TAF4: variants seen among roughly 807,000 people sequenced by gnomAD.
The protein encoded by TAF4 is TATA-box binding protein associated factor 4, also known as transcription initiation factor TFIID subunit 4.
In TAF4, 9 loss-of-function variants were observed where a neutral mutation model predicts 90.3. That is an observed-to-expected ratio of 0.10 (90% CI 0.06 to 0.17). The LOEUF is 0.17. Ranked by LOEUF, TAF4 falls within the 10% of genes least tolerant of loss-of-function variation. The pLI is 1.00. For synonymous variants in TAF4, 818 were observed against 638.9 expected (o/e 1.28, Z -4.23); for missense variants, 1,351 against 1,370.7 (o/e 0.99, Z 0.23).
chr20:62,064,081 C>T (rs1242116802), intron 1 of TAF4, among the ~76,000 whole-genome samples: 1 of 152,246 alleles, frequency 6.6e-6, no homozygotes, highest in African/African-American at 2.4e-5. Context: ...ACCCCATCGC[C>T]TGGCCCAGGG....
chr20:62,008,672 C>T (rs973459851), intron 5 of TAF4, among the ~76,000 whole-genome samples: 7 of 152,032 alleles, frequency 4.6e-5, no homozygotes, highest in African/African-American at 1.7e-4. Flanking sequence ...ACTGCGGACA[C>T]CTGGGAATTT....
chr20:61,980,367 G>GC (rs2055532467), intron 14 of TAF4: 1 of 152,242 alleles, frequency 6.6e-6, no homozygotes, highest in African/African-American at 2.4e-5. Context: ...CGGGGCGGGA[G>GC]CCCCTTGGTC....
rs117807716 is a variant in TAF4, at chr20:62,037,242, T to C, written c.1361-22535A>G. On this transcript the variant is annotated intron_variant, in intron 1 of 14. Transcript: ENST00000252996. ...CCCTTCTCAACGCTTCTGTTTGTCA[T>C]ATTACACTGGAGGTTGTGGCCAGTG... is the stretch of plus-strand genomic sequence containing the variant. Among the ~76,000 whole-genome samples the C allele has an allele frequency of 3.9e-3, 595 of 152,202 alleles. 12 individuals carry two copies. In the East Asian group the frequency reaches 0.041, roughly 10 times the overall value.
rs1363903337 is a variant in TAF4, at chr20:62,006,783, G to T, written c.1975-25C>A. ...TCTGGGTGGAAAGACAGACACGAGG[G>T]GTCAGGCGGCTGCTCATGCGTCGGT... On this transcript the variant is annotated intron_variant, in intron 6 of 14. Transcript: ENST00000252996. This position sits in a 1 kb window ranked among gnomAD's most constrained non-coding sequence, Gnocchi z 7.0. The T allele has an allele frequency of 6.9e-7, 1 of 1,455,104 alleles. No individual in the cohort carries two copies. The allele number at this position is 1,455,104 out of a possible 1,614,324, so 90.1% of individuals were successfully genotyped here.
rs186303050 is a variant in TAF4 at position 62,050,112 on chromosome 20, A to G, written c.1360+14339T>C. Among the ~76,000 whole-genome samples, 4 of 152,322 alleles carry G rather than the reference A, an allele frequency of 2.6e-5. No individual in the cohort carries two copies. The East Asian group carries it at 7.7e-4, about 29-fold the overall frequency. ...ACAAACTGTTTTTCTACAACCTTCCATGAAGATGAGGCCACAACAGTCAAA... is the reference window on the plus strand; with the variant it reads ...ACAAACTGTTTTTCTACAACCTTCCGTGAAGATGAGGCCACAACAGTCAAA... On this transcript the variant is annotated intron_variant, in intron 1 of 14. Transcript: ENST00000252996.
chr20:62,053,991 G>C (rs1568943460), intron 1 of TAF4, among the ~76,000 whole-genome samples: 1 of 152,228 alleles, frequency 6.6e-6, no homozygotes, highest in Non-Finnish European at 1.5e-5. Flanking sequence ...CACCAGCTGG[G>C]GGGAGCCCAA....
chr20:61,990,923 C>T (rs141745143), intron 14 of TAF4, among the ~76,000 whole-genome samples: 5 of 152,266 alleles, frequency 3.3e-5, no homozygotes, highest in African/African-American at 4.8e-5. Context: ...CCTAAACTCA[C>T]GTCGAAATTA....
In TAF4 at chr20:62,065,603, C is replaced by G; in HGVS notation, c.208G>C (p.Ala70Pro). 2 of 992,582 alleles carry G rather than the reference C, an allele frequency of 2.0e-6. No individual in the cohort carries two copies. The highest frequency in any genetic ancestry group is 2.4e-6 in the Non-Finnish European group (2 of 837,168). 61.5% of individuals were successfully genotyped at this position (992,582 alleles called of 1,614,324 possible). The change falls in exon 1 of 15, where the codon GCC becomes CCC. Residue 70 changes from alanine (A) to proline (P), a missense_variant. Transcript: ENST00000252996. ...NHVVSGSPAG[A>P]AGAGPAAPAE... ...GGGGCGGCCGGCCCTGCGCCCGCGG[C>G]TCCGGCCGGGCTGCCGCTCACAACA...
chr20:61,977,140 C>T lies in TAF4; in HGVS notation c.3091-805G>A, dbSNP rs111808235. ...ACACGACACCGCCCAGCGGGGCACG[C>T]GCCACACACACGACACCGCCCAGCG... On this transcript the variant is annotated intron_variant, in intron 14 of 14. Coordinates refer to ENST00000252996, the MANE Select transcript of TAF4 (RefSeq NM_003185.4). Among the ~76,000 whole-genome samples the T allele has an allele frequency of 8.3e-4, 116 of 139,342 alleles. 2 individuals carry two copies. The Middle Eastern group carries it at 0.011, about 14-fold the overall frequency. The allele number at this position is 139,342 out of a possible 152,430, so 91.4% of individuals were successfully genotyped here.
chr20:62,020,715 T>G (rs1271885482), intron 1 of TAF4, among the ~76,000 whole-genome samples: 1 of 152,144 alleles, frequency 6.6e-6, no homozygotes, highest in Non-Finnish European at 1.5e-5. Flanking sequence ...AGAAACCCTC[T>G]TCAAAATCAC....
chr20:62,043,645 T>C (rs2055976315), intron 1 of TAF4, among the ~76,000 whole-genome samples: 1 of 152,126 alleles, frequency 6.6e-6, no homozygotes, highest in African/African-American at 2.4e-5. Context: ...TCCCCTAGTT[T>C]TACTGTACCT....
In TAF4 at chr20:62,006,908, G is replaced by C. The variant is rs1477878652; in HGVS notation, c.1975-150C>G. 8.9e-7 allele frequency: 1 copy of C among 1,117,492 alleles called. No individual in the cohort carries two copies. Among genetic ancestry groups the C allele is most frequent in the East Asian group, 3.2e-5 (1 of 31,726 alleles). The allele number at this position is 1,117,492 out of a possible 1,614,324, so 69.2% of individuals were successfully genotyped here. A position where few individuals can be genotyped will look rare whatever the true frequency, so the allele number is the denominator to read the frequency against. ...TCACGGCAGCATGTCTGGATGTCAA[G>C]GGCCAGGACCCCATCCTGCCCTCCC... On this transcript the variant is annotated intron_variant, in intron 6 of 14. Coordinates refer to ENST00000252996, the MANE Select transcript of TAF4 (RefSeq NM_003185.4). The surrounding 1 kb of genome is among the most constrained non-coding windows in gnomAD (Gnocchi z 7.0).
intron 14 of TAF4, among the ~76,000 whole-genome samples, chr20:61,991,618 AAG>A (rs140962042): frequency 2.2e-4 from 34 of 152,168 alleles, no homozygotes; most frequent in African/African-American, 5.5e-4. Flanking sequence ...AACAAAAAAA[AAG>A]AGAGAGAGAG....
At chr20:61,993,058 T>C (rs964423375) in intron 14 of TAF4, among the ~76,000 whole-genome samples, 3 of 152,186 alleles carry the variant, frequency 2.0e-5, no homozygotes, top group African/African-American at 7.2e-5. Context: ...TGCTCGCGTT[T>C]ACCCTGCGTC....
At chr20:62,014,027 T>G (rs966810831) in intron 2 of TAF4, among the ~76,000 whole-genome samples, 1,601 of 90,920 alleles carry the variant, frequency 0.018, 12 homozygotes, top group African/African-American at 0.027. Context: ...TGGGTGTGTG[T>G]GTGTGTGTGT....
chr20:62,049,356 G>A (rs537986828), intron 1 of TAF4, among the ~76,000 whole-genome samples: 1 of 152,208 alleles, frequency 6.6e-6, no homozygotes, highest in South Asian at 2.1e-4. Context: ...ACAGTGCCTG[G>A]CACCAGCCAG....
At chr20:62,003,113 C>A (rs1367159143) in intron 9 of TAF4, 47 bp downstream of exon 9, 2 of 1,544,180 alleles carry the variant, frequency 1.3e-6, no homozygotes, top group African/African-American at 2.7e-5. Context: ...CTGGACTCTT[C>A]TCCGCTCTGG....
chr20:62,064,784 T>C lies in TAF4; in HGVS notation c.1027A>G (p.Lys343Glu). The change falls in exon 1 of 15, where the codon AAG becomes GAG. Residue 343 changes from lysine (K) to glutamate (E), a missense_variant. Coordinates refer to ENST00000252996, the MANE Select transcript of TAF4 (RefSeq NM_003185.4). The stretch of plus-strand genomic sequence containing the variant: ...ACCACCCTCTTGGGCGACTCGGCCT[T>C]GACCCCCGGCGCCGGCGCCGCAGCC... The part of the protein sequence containing the change: ...AAAAAPAPGV[K>E]AESPKRVVQA... 2 of 1,074,338 alleles carry C rather than the reference T, an allele frequency of 1.9e-6. No individual in the cohort carries two copies. Among genetic ancestry groups the C allele is most frequent in the Non-Finnish European group, 2.2e-6 (2 of 890,068 alleles). The allele number at this position is 1,074,338 out of a possible 1,614,324, so 66.6% of individuals were successfully genotyped here.
intron 1 of TAF4, among the ~76,000 whole-genome samples, chr20:62,053,353 C>G (rs1271863041): frequency 6.6e-6 from 1 of 152,204 alleles, no homozygotes; most frequent in Non-Finnish European, 1.5e-5. Context: ...GGACCGCCCT[C>G]GCACTGCCCT....
Sources: allele counts gnomAD v4.1 joint callset (sites outside exome capture counted in the v4.1 genomes callset), GRCh38; gene constraint gnomAD v4.1.1; non-coding constraint Gnocchi (gnomAD v3.1); transcripts MANE v1.5; gene names NCBI Gene and HGNC (gene_info 2026-07-23, HGNC 2026-07-21).